The following MYOF variants were observed in gnomAD, a reference collection of about 807,000 sequenced individuals.
The protein encoded by MYOF is fer-1-like 3, myoferlin.
In MYOF, 244 loss-of-function variants were observed where a neutral mutation model predicts 284.2. The observed-to-expected ratio is 0.86, with a 90% CI of 0.77 to 0.95. The LOEUF is 0.95. Among genes scored for constraint, MYOF ranks in the 40% least tolerant of loss-of-function variants. MYOF has a pLI of 0.00. For synonymous variants in MYOF, 904 were observed against 919.7 expected (o/e 0.98, Z 0.31); for missense variants, 2,496 against 2,560.6 (o/e 0.97, Z 0.54).
intron 25 of MYOF, 91 bp from the exon 26 acceptor site, chr10:93,366,646 GCTAGACAA>G: frequency 9.0e-7 from 1 of 1,113,950 alleles, no homozygotes; most frequent in Non-Finnish European, 1.3e-6. Context: ...GAGGACTTAG[GCTAGACAA>G]CTACAGAAAG....
intron 25 of MYOF, among the ~76,000 whole-genome samples, chr10:93,366,826 C>T (rs968417646): frequency 2.0e-5 from 3 of 152,158 alleles, no homozygotes; most frequent in African/African-American, 4.8e-5. Context: ...TTTAAATGTG[C>T]AAATGATTGC....
intron 21 of MYOF, among the ~76,000 whole-genome samples, chr10:93,378,691 G>GTATATATATATATATA (rs1375868034): frequency 2.4e-5 from 1 of 42,256 alleles, no homozygotes; most frequent in Non-Finnish European, 4.5e-5. Context: ...ATGTGTGTGT[G>GTATATATATATATATA]TGTATATATA....
rs2134427891 is a variant in MYOF at position 93,482,257 on chromosome 10, C to T, written c.-63G>A. ...AGTGGAGACTAGGGCGCTGGAGCTC[C>T]GGGTCGCACCGCCCTGGGAGAGAAG... On this transcript the variant is annotated 5_prime_UTR_variant, in exon 1 of 54. Transcript: ENST00000359263. The T allele has an allele frequency of 3.0e-6, 4 of 1,342,330 alleles. No individual in the cohort carries two copies. Among genetic ancestry groups the T allele is most frequent in the Non-Finnish European group, 4.2e-6 (4 of 943,274 alleles). The allele number at this position is 1,342,330 out of a possible 1,614,324, so 83.2% of individuals were successfully genotyped here.
At chr10:93,466,879 G>T (rs1280169309) in intron 1 of MYOF, among the ~76,000 whole-genome samples, 1 of 152,188 alleles carries the variant, frequency 6.6e-6, no homozygotes, top group African/African-American at 2.4e-5. Flanking sequence ...TTAGGAGGCT[G>T]AGGTGGGAGG....
rs547903026 is a variant in MYOF at position 93,450,077 on chromosome 10, G to A, written c.236+1973C>T. Reference sequence around the variant, plus strand: ...GTTCGAGACCAGCCTGGCCAACATGGTGAAACCTCATCTCTACTAAAAAAC... The same window carrying A: ...GTTCGAGACCAGCCTGGCCAACATGATGAAACCTCATCTCTACTAAAAAAC... On this transcript the variant is annotated intron_variant, in intron 3 of 53. Transcript: ENST00000359263. Among the ~76,000 whole-genome samples the A allele has an allele frequency of 2.7e-4, 41 of 152,174 alleles. No individual in the cohort carries two copies. In the South Asian group the frequency reaches 4.4e-3, roughly 16 times the overall value.
intron 37 of MYOF, 109 bp from the exon 38 acceptor site, chr10:93,344,041 C>G: frequency 8.8e-7 from 1 of 1,138,408 alleles, no homozygotes; most frequent in Non-Finnish European, 1.3e-6. Context: ...AGAGTTTATT[C>G]TTGGATGGGA....
In MYOF at chr10:93,351,459, G is replaced by A. The variant is rs1356382903; in HGVS notation, c.3776C>T (p.Ala1259Val). The change falls in exon 34 of 54, where the codon GCC becomes GTC. Residue 1259 changes from alanine to valine, a missense_variant. Around this residue, in one of 3 missense-constraint regions of MYOF, gnomAD observed 2,436 missense variants for 2,480.7 expected, o/e 0.98. Coordinates refer to ENST00000359263, the MANE Select transcript of MYOF (RefSeq NM_013451.4). The stretch of plus-strand genomic sequence containing the variant: ...TGCAGTTACAAGAACATCCCCGCAG[G>A]CTTTGTCTCCATTCATTACTGGGTG... ...LWHPVMNGDKACGDVLVTAEL... is the reference protein window; with the variant it reads ...LWHPVMNGDKVCGDVLVTAEL... The A allele has an allele frequency of 4.3e-6, 7 of 1,614,200 alleles. No homozygotes were observed. The highest frequency in any genetic ancestry group is 5.9e-6 in the Non-Finnish European group (7 of 1,180,046).
chr10:93,373,108 A>C, intron 23 of MYOF, 23 bp from the exon 24 acceptor site: 1 of 1,614,060 alleles, frequency 6.2e-7, no homozygotes. Context: ...ATTGGATGGA[A>C]GAGGAAGCAC....
intron 1 of MYOF, among the ~76,000 whole-genome samples, chr10:93,461,144 G>A (rs11187436): frequency 0.17 from 26,357 of 152,170 alleles, 2,588 homozygotes; most frequent in East Asian, 0.49. Flanking sequence ...GCTTTTGCCT[G>A]TCTCATTCTC....
rs373363357 is a variant in MYOF at position 93,369,730 on chromosome 10, C to T, written c.2504G>A (p.Arg835Gln). 5.6e-6 allele frequency: 9 copies of T among 1,614,064 alleles called. No homozygotes were observed. The highest frequency in any genetic ancestry group is 4.5e-5 in the East Asian group (2 of 44,892). The change falls in exon 25 of 54, where the codon CGA (arginine) becomes CAA (glutamine). Residue 835 changes from arginine (R) to glutamine (Q), a missense_variant. By Grantham distance (43) the Arg-to-Gln change is conservative. Coordinates refer to ENST00000359263, the MANE Select transcript of MYOF (RefSeq NM_013451.4). ...ACTTAAGCCTAGCCAGATGTTCACT[C>T]GCAACTCCACAGGCACCTTTGGCCC... ...NNGPKVPVEL[R>Q]VNIWLGLSAV...
At chr10:93,395,529 A>G (rs1846959268) in intron 16 of MYOF, among the ~76,000 whole-genome samples, 1 of 152,178 alleles carries the variant, frequency 6.6e-6, no homozygotes, top group African/African-American at 2.4e-5. Flanking sequence ...TCCCTGTTAC[A>G]ATTTCTGGCA....
At position 93,422,101 on chromosome 10, in the gene MYOF, C is replaced by T. The variant is rs74150229; in HGVS notation, c.433+3970G>A. ...TATTTTTTGTAATAAAGAAATTTCA[C>T]ATTACTTCTCAGACTTTTGGCTAAG... On this transcript the variant is annotated intron_variant, in intron 5 of 53. Coordinates refer to ENST00000359263, the MANE Select transcript of MYOF (RefSeq NM_013451.4). 1.7e-3 allele frequency among the ~76,000 whole-genome samples: 262 copies of T among 152,252 alleles called. 1 individual carries two copies. The highest frequency in any genetic ancestry group is 5.8e-3 in the African/African-American group (243 of 41,546).
At position 93,343,871 on chromosome 10, in the gene MYOF, T is replaced by C. The variant is rs746524199; in HGVS notation, c.4311A>G (p.Pro1437=). 1.2e-6 allele frequency: 2 copies of C among 1,614,158 alleles called. No individual in the cohort carries two copies. The highest frequency in any genetic ancestry group is 1.1e-5 in the South Asian group (1 of 91,078). ...DIVIEMEDTK[P]LLASKLTEKE... ...TGAAGCCTACCTTAGAAGCCAGTAA[T>C]GGTTTGGTGTCTTCCATTTCGATAA... The change falls in exon 38 of 54, where the codon CCA becomes CCG. Residue 1437 remains proline, a synonymous_variant. Coordinates refer to ENST00000359263, the MANE Select transcript of MYOF (RefSeq NM_013451.4).
intron 38 of MYOF, among the ~76,000 whole-genome samples, chr10:93,341,220 A>T (rs1195251948): frequency 6.6e-6 from 1 of 152,102 alleles, no homozygotes; most frequent in Non-Finnish European, 1.5e-5. Context: ...AGATTTTTAG[A>T]ATCTGTTTGT....
chr10:93,368,953 C>T (rs1001102925), intron 25 of MYOF, among the ~76,000 whole-genome samples: 1 of 152,070 alleles, frequency 6.6e-6, no homozygotes, highest in South Asian at 2.1e-4. Context: ...TTAAAAATAG[C>T]ATAAAAAATC....
At chr10:93,431,920 A>G (rs1446659005) in intron 3 of MYOF, among the ~76,000 whole-genome samples, 1 of 151,486 alleles carries the variant, frequency 6.6e-6, no homozygotes, top group African/African-American at 2.4e-5. Context: ...TAATTTTTGT[A>G]TTTTTCCTAG....
chr10:93,371,054 T>C (rs1281786260), intron 24 of MYOF, among the ~76,000 whole-genome samples: 2 of 134,242 alleles, frequency 1.5e-5, no homozygotes, highest in Admixed American at 1.5e-4. Context: ...ACAAATGTGA[T>C]TTCAAAGTGT....
At chr10:93,338,191 CTATT>C in intron 39 of MYOF, 1 of 498,810 alleles carries the variant, frequency 2.0e-6, no homozygotes, top group South Asian at 2.0e-5. Flanking sequence ...TACACACAGT[CTATT>C]AATTTGTTGG....
intron 31 of MYOF, among the ~76,000 whole-genome samples, chr10:93,354,969 G>T (rs1271209361): frequency 6.6e-6 from 1 of 152,184 alleles, no homozygotes; most frequent in African/African-American, 2.4e-5. Flanking sequence ...TTGTAGAGCA[G>T]GTCTGTCTCA....
Sources: gnomAD v4.1 joint callset for allele counts (sites outside exome capture counted in the v4.1 genomes callset) on GRCh38, gnomAD v4.1.1 for gene constraint, gnomAD v4.1.1 regional missense constraint, MANE v1.5 for transcripts, NCBI Gene and HGNC (gene_info 2026-07-23, HGNC 2026-07-21) for gene names.